Variants in PTPRE observed in about 807,000 individuals in gnomAD.
PTPRE encodes the protein receptor-type tyrosine-protein phosphatase epsilon.
In PTPRE, 51 loss-of-function variants were observed where a neutral mutation model predicts 102.0. That is an observed-to-expected ratio of 0.50 (90% CI 0.40 to 0.63). The LOEUF (loss-of-function observed/expected upper bound fraction) is 0.63, where lower values mean the gene tolerates loss of function less well. PTPRE is among the 30% of genes least tolerant of loss of function. The probability of loss-of-function intolerance (pLI) is 0.00; values close to 1 mark genes in which losing one functional copy is unlikely to be tolerated. For missense variants in PTPRE, 752 were observed against 915.1 expected, an observed-to-expected ratio of 0.82 and a Z score of 2.30; for synonymous variants, 345 against 348.2, an observed-to-expected ratio of 0.99 and a Z score of 0.10.
In PTPRE at chr10:128,031,401, G is replaced by C. The variant is rs1010879299; in HGVS notation, c.-7-9474G>C. On this transcript the variant is annotated intron_variant, in intron 2 of 20. Coordinates refer to ENST00000254667, the MANE Select transcript of PTPRE (RefSeq NM_006504.6). ...TGCCCTCTTCTCAGTGGGAGACAGC[G>C]GGAGGGCTGTGCTGTTTCCAACATT... Among the ~76,000 whole-genome samples the C allele has an allele frequency of 2.0e-5, 3 of 152,250 alleles. No homozygotes were observed. In the East Asian group the frequency reaches 5.8e-4, roughly 29 times the overall value.
At chr10:127,985,584 A>AAAAAAT (rs1460845413) in intron 2 of PTPRE, among the ~76,000 whole-genome samples, 6 of 152,144 alleles carry the variant, frequency 3.9e-5, no homozygotes, top group Admixed American at 2.6e-4. Flanking sequence ...ACCCTGTCTC[A>AAAAAAT]AAAAATAAAA....
chr10:127,935,160 G>C (rs748839219), intron 1 of PTPRE, among the ~76,000 whole-genome samples: 9 of 152,112 alleles, frequency 5.9e-5, no homozygotes, highest in Non-Finnish European at 1.3e-4. Flanking sequence ...AGTCTGTCGG[G>C]TGTGGGCTCC....
At chr10:127,990,614 A>G (rs1216503934) in intron 2 of PTPRE, among the ~76,000 whole-genome samples, 1 of 152,152 alleles carries the variant, frequency 6.6e-6, no homozygotes, top group Non-Finnish European at 1.5e-5. Flanking sequence ...AGAAATCCCC[A>G]GAAAGTAACT....
chr10:127,990,142 T>G, intron 2 of PTPRE, among the ~76,000 whole-genome samples: 1 of 152,018 alleles, frequency 6.6e-6, no homozygotes, highest in East Asian at 1.9e-4. Context: ...TCTGGAAAGT[T>G]GAATGGCCTC....
intron 1 of PTPRE, among the ~76,000 whole-genome samples, chr10:127,965,162 C>T (rs908528530): frequency 5.9e-5 from 9 of 152,128 alleles, no homozygotes; most frequent in African/African-American, 1.9e-4. Flanking sequence ...TTTGAACTTC[C>T]ATAACCATAT....
chr10:127,940,720 GC>G (rs1848186090), intron 1 of PTPRE, among the ~76,000 whole-genome samples: 1 of 152,142 alleles, frequency 6.6e-6, no homozygotes, highest in Non-Finnish European at 1.5e-5. Context: ...TGTTGCCCAA[GC>G]TAGCCTTGAA....
At chr10:128,072,328 C>A in intron 16 of PTPRE, 114 bp downstream of exon 16, 2 of 1,011,394 alleles carry the variant, frequency 2.0e-6, no homozygotes, top group South Asian at 1.7e-5. Flanking sequence ...TCCAGAAACT[C>A]AGCCATTTTT....
At position 128,068,153 on chromosome 10, in the gene PTPRE, C is replaced by G; in HGVS notation, c.874C>G (p.Leu292Val). 6.2e-7 allele frequency: 1 copy of G among 1,613,944 alleles called. No individual in the cohort carries two copies. Among genetic ancestry groups the G allele is most frequent in the Non-Finnish European group, 8.5e-7 (1 of 1,179,916 alleles). The change falls in exon 12 of 21, where the codon CTG (leucine) becomes GTG (valine). Residue 292 changes from leucine (L) to valine (V), a missense_variant. This residue lies in a region of PTPRE where 636 missense variants were observed against 824.4 expected (regional missense o/e 0.77). Transcript: ENST00000254667. ...QLPDGCKAPR[L>V]VSQLHFTSWP... is the part of the protein sequence containing the mutation. ...CCCCGACGGCTGCAAAGCCCCCAGGCTGGTCTCACAGCTGCACTTCACCAG... is the reference window on the plus strand; with the variant it reads ...CCCCGACGGCTGCAAAGCCCCCAGGGTGGTCTCACAGCTGCACTTCACCAG...
intron 1 of PTPRE, among the ~76,000 whole-genome samples, chr10:127,914,393 C>G (rs531112687): frequency 4.4e-4 from 67 of 152,308 alleles, no homozygotes; most frequent in African/African-American, 1.6e-3. Context: ...ACACCGGTGG[C>G]CTGTTTTTCT....
chr10:128,081,436 A>T (rs2096285), intron 20 of PTPRE, among the ~76,000 whole-genome samples: 2 of 152,018 alleles, frequency 1.3e-5, no homozygotes, highest in African/African-American at 2.4e-5. Context: ...AGTACACTTC[A>T]TCCATCACTG....
At chr10:127,941,504 C>T (rs1203490645) in intron 1 of PTPRE, among the ~76,000 whole-genome samples, 1 of 152,216 alleles carries the variant, frequency 6.6e-6, no homozygotes, top group African/African-American at 2.4e-5. Flanking sequence ...TGTGGGCTCA[C>T]AGGAGCACGT....
intron 2 of PTPRE, among the ~76,000 whole-genome samples, chr10:128,013,535 A>G (rs1845180432): frequency 1.3e-5 from 2 of 152,192 alleles, no homozygotes; most frequent in Non-Finnish European, 2.9e-5. Flanking sequence ...GGGATGTGCT[A>G]TGATCTGAAT....
intron 1 of PTPRE, among the ~76,000 whole-genome samples, chr10:127,971,419 A>G (rs1850721486): frequency 6.6e-6 from 1 of 152,252 alleles, no homozygotes; most frequent in East Asian, 1.9e-4. Context: ...TCTGGAAGGC[A>G]GGGAGGGCCC....
chr10:128,068,184 C>G lies in PTPRE; in HGVS notation c.905C>G (p.Pro302Arg). Residue 302 changes from proline to arginine, a missense_variant, in exon 12 of 21, where the codon CCC (proline) becomes CGC (arginine). Physicochemically the swap from Pro to Arg is moderately radical, Grantham distance 103. Around this residue, in one of 2 missense-constraint regions of PTPRE, gnomAD observed 636 missense variants for 824.4 expected, o/e 0.77. Coordinates refer to ENST00000254667, the MANE Select transcript of PTPRE (RefSeq NM_006504.6). Reference sequence around the variant, plus strand: ...TCACAGCTGCACTTCACCAGCTGGCCCGACTTCGGAGTGCCTTTTACCCCC... The same window carrying G: ...TCACAGCTGCACTTCACCAGCTGGCGCGACTTCGGAGTGCCTTTTACCCCC... ...LVSQLHFTSWPDFGVPFTPIG... is the reference protein window; with the variant it reads ...LVSQLHFTSWRDFGVPFTPIG... 6.2e-7 allele frequency: 1 copy of G among 1,614,154 alleles called. No homozygotes were observed. Among genetic ancestry groups the G allele is most frequent in the South Asian group, 1.1e-5 (1 of 91,086 alleles).
intron 2 of PTPRE, among the ~76,000 whole-genome samples, chr10:128,004,381 A>G (rs769128191): frequency 2.0e-4 from 31 of 152,080 alleles, no homozygotes; most frequent in Non-Finnish European, 8.8e-5. Context: ...TCATCATCCA[A>G]AATGAAACCT....
intron 2 of PTPRE, among the ~76,000 whole-genome samples, chr10:128,019,472 C>G (rs1845688698): frequency 6.6e-6 from 1 of 152,210 alleles, no homozygotes; most frequent in Non-Finnish European, 1.5e-5. Context: ...GCAGTCAGGA[C>G]CGGACATGGC....
chr10:127,983,965 G>C (rs560556066), intron 2 of PTPRE, among the ~76,000 whole-genome samples: 1 of 152,296 alleles, frequency 6.6e-6, no homozygotes, highest in East Asian at 1.9e-4. Context: ...GTGTGCAGGA[G>C]CTGACTTCCT....
At chr10:127,917,248 C>T (rs141623082) in intron 1 of PTPRE, among the ~76,000 whole-genome samples, 78 of 150,854 alleles carry the variant, frequency 5.2e-4, no homozygotes, top group African/African-American at 1.8e-3. Flanking sequence ...AGGGGGAAGC[C>T]GCTCCAACAT....
rs2135957331 is a variant in PTPRE at position 128,062,225 on chromosome 10, A to G, written c.625+510A>G. 3.9e-5 allele frequency among the ~76,000 whole-genome samples: 6 copies of G among 152,352 alleles called. 2 individuals carry two copies. In the South Asian group the frequency reaches 1.2e-3, roughly 32 times the overall value. ...TGCGGTTAGATATCAGTGGAGCTGA[A>G]ACCAGATTCCTCAGACTTCCTCACT... On this transcript the variant is annotated intron_variant, in intron 9 of 20. Transcript: ENST00000254667.
Sources: gnomAD v4.1 joint callset for allele counts (sites outside exome capture counted in the v4.1 genomes callset) on GRCh38, gnomAD v4.1.1 for gene constraint, gnomAD v4.1.1 regional missense constraint, MANE v1.5 for transcripts, NCBI Gene and HGNC (gene_info 2026-07-23, HGNC 2026-07-21) for gene names.